Variants in BCAS3 observed in about 807,000 individuals in gnomAD.
BCAS3 encodes the protein BCAS3 microtubule associated cell migration factor.
Under a neutral mutation model 116.1 loss-of-function variants are expected in BCAS3, and 53 were observed. That is an observed-to-expected ratio of 0.46 (90% CI 0.37 to 0.57). The LOEUF is 0.57. Among genes scored for constraint, BCAS3 ranks in the 20% least tolerant of loss-of-function variants. BCAS3 has a pLI of 0.00. For synonymous variants in BCAS3, 391 were observed against 408.2 expected (o/e 0.96, Z 0.51); for missense variants, 917 against 1,165.4 (o/e 0.79, Z 3.10).
intron 22 of BCAS3, among the ~76,000 whole-genome samples, chr17:61,289,695 A>G (rs559306812): frequency 2.0e-5 from 3 of 152,298 alleles, no homozygotes; most frequent in East Asian, 3.9e-4. Flanking sequence ...TTACTCTAAC[A>G]GCACTCCTTT....
chr17:60,868,329 A>AT (rs1336543436), intron 7 of BCAS3, among the ~76,000 whole-genome samples: 3 of 151,986 alleles, frequency 2.0e-5, no homozygotes, highest in African/African-American at 7.2e-5. Flanking sequence ...CAGCCTAATC[A>AT]TATCATTTTT....
chr17:60,944,075 C>T (rs530311019), intron 13 of BCAS3, among the ~76,000 whole-genome samples: 2 of 150,754 alleles, frequency 1.3e-5, no homozygotes, highest in South Asian at 2.1e-4. Context: ...ATAAGAAACT[C>T]GAAAAAAGGA....
chr17:61,335,791 G>A (rs965911929), intron 22 of BCAS3, among the ~76,000 whole-genome samples: 3 of 152,252 alleles, frequency 2.0e-5, no homozygotes, highest in Non-Finnish European at 4.4e-5. Context: ...CTGGAAGCAA[G>A]GGAGAAAAAG....
chr17:61,381,914 T>G lies in BCAS3; in HGVS notation c.2594-10063T>G, dbSNP rs1168496125. Among the ~76,000 whole-genome samples the G allele has an allele frequency of 1.3e-5, 2 of 152,144 alleles. No homozygotes were observed. The highest frequency in any genetic ancestry group is 4.8e-5 in the African/African-American group (2 of 41,440). On this transcript the variant is annotated intron_variant, in intron 23 of 23. Transcript: ENST00000407086. The surrounding 1 kb of genome is among the most constrained non-coding windows in gnomAD (Gnocchi z 6.0). ...TAGAAAATTCTCTCCTATCCCCAACTGGTCATCCTCTCCCCAACCTTCATT... is the reference window on the plus strand; with the variant it reads ...TAGAAAATTCTCTCCTATCCCCAACGGGTCATCCTCTCCCCAACCTTCATT...
At chr17:60,718,483 G>A (rs2038890741) in intron 5 of BCAS3, among the ~76,000 whole-genome samples, 1 of 152,138 alleles carries the variant, frequency 6.6e-6, no homozygotes, top group East Asian at 1.9e-4. Context: ...TGCCCAGGCT[G>A]GAGGGCAGTG....
At chr17:61,091,064 T>C (rs2073522882) in intron 22 of BCAS3, among the ~76,000 whole-genome samples, 1 of 152,196 alleles carries the variant, frequency 6.6e-6, no homozygotes, top group Admixed American at 6.5e-5. Context: ...CATTTGAAGA[T>C]GAAGAAACAG....
At chr17:60,736,082 G>C (rs2040927673) in intron 5 of BCAS3, among the ~76,000 whole-genome samples, 1 of 149,094 alleles carries the variant, frequency 6.7e-6, no homozygotes, top group African/African-American at 2.6e-5. Flanking sequence ...TCGTCACCCA[G>C]GCTGGAGTGC....
intron 5 of BCAS3, among the ~76,000 whole-genome samples, chr17:60,728,242 CT>C (rs2040112302): frequency 6.6e-6 from 1 of 152,182 alleles, no homozygotes; most frequent in Non-Finnish European, 1.5e-5. Context: ...CCCTCCATCC[CT>C]GATAAGCCCT....
intron 14 of BCAS3, among the ~76,000 whole-genome samples, chr17:60,989,598 C>A (rs560783629): frequency 6.6e-6 from 1 of 152,162 alleles, no homozygotes; most frequent in African/African-American, 2.4e-5. Flanking sequence ...TCCTACAAGG[C>A]CATATGGCCT....
At position 60,814,303 on chromosome 17, in the gene BCAS3, G is replaced by GCA. The variant is rs1555731386; in HGVS notation, c.476+6227_476+6228insCA. Among the ~76,000 whole-genome samples, 9 of 135,834 alleles carry GCA rather than the reference G, an allele frequency of 6.6e-5. No homozygotes were observed. In the East Asian group the frequency reaches 9.7e-4, roughly 15 times the overall value. The allele number at this position is 135,834 out of a possible 152,430, so 89.1% of individuals were successfully genotyped here. On this transcript the variant is annotated intron_variant, in intron 7 of 23. Transcript: ENST00000407086. ...TGTGTGTGTGTGTGTGTGTGTGTGTGTGTGCGCGCGTGCCCATTGCAAATG... is the reference window on the plus strand; with the variant it reads ...TGTGTGTGTGTGTGTGTGTGTGTGTGCATGTGCGCGCGTGCCCATTGCAAATG...
chr17:61,031,942 TTG>T (rs2066672251), intron 16 of BCAS3, among the ~76,000 whole-genome samples: 2 of 152,164 alleles, frequency 1.3e-5, no homozygotes, highest in African/African-American at 4.8e-5. Flanking sequence ...TGCTTTTTAC[TTG>T]TGTGTTCCAA....
intron 7 of BCAS3, among the ~76,000 whole-genome samples, chr17:60,812,927 G>A (rs1450818949): frequency 6.6e-6 from 1 of 151,976 alleles, no homozygotes; most frequent in Non-Finnish European, 1.5e-5. Flanking sequence ...CTTTTTTTAA[G>A]AGATAAGTTC....
chr17:61,343,907 C>T lies in BCAS3; in HGVS notation c.2426-24420C>T, dbSNP rs2057344192. On this transcript the variant is annotated intron_variant, in intron 22 of 23. Transcript: ENST00000407086. This position sits in a 1 kb window ranked among gnomAD's most constrained non-coding sequence, Gnocchi z 5.5. ...TGGACCACCTCCTCCCCTTTCGCTT[C>T]CTTCCACACAGTCCAGTGCTTTGTT... Among the ~76,000 whole-genome samples, 1 of 152,214 alleles carries T rather than the reference C, an allele frequency of 6.6e-6. No individual in the cohort carries two copies. Among genetic ancestry groups the T allele is most frequent in the African/African-American group, 2.4e-5 (1 of 41,454 alleles).
intron 22 of BCAS3, among the ~76,000 whole-genome samples, chr17:61,275,696 T>C (rs1193041312): frequency 2.0e-5 from 3 of 152,194 alleles, no homozygotes; most frequent in African/African-American, 7.2e-5. Flanking sequence ...AGAAGTCAGA[T>C]AATTTGAAGG....
At chr17:61,167,388 G>T (rs2144096767) in intron 22 of BCAS3, among the ~76,000 whole-genome samples, 1 of 152,274 alleles carries the variant, frequency 6.6e-6, no homozygotes, top group South Asian at 2.1e-4. Context: ...TATACAGCAA[G>T]ATATTGCCAG....
chr17:60,874,333 G>C lies in BCAS3; in HGVS notation c.585-329G>C, dbSNP rs372148219. Among the ~76,000 whole-genome samples, 9 of 152,264 alleles carry C rather than the reference G, an allele frequency of 5.9e-5. No homozygotes were observed. The East Asian group carries it at 1.7e-3, about 29-fold the overall frequency. ...GTGATCCTTCTGCCTTGGCCTCCAG[G>C]AATGTTGGGATTGTAGGCATGAGCC... On this transcript the variant is annotated intron_variant, in intron 8 of 23. Transcript: ENST00000407086.
intron 6 of BCAS3, among the ~76,000 whole-genome samples, chr17:60,767,067 T>C (rs2044175703): frequency 6.6e-6 from 1 of 152,178 alleles, no homozygotes; most frequent in Non-Finnish European, 1.5e-5. Context: ...GCGCAGTGTT[T>C]AGGTGGCAGT....
At chr17:61,176,052 T>G (rs2079111281) in intron 22 of BCAS3, among the ~76,000 whole-genome samples, 2 of 149,586 alleles carry the variant, frequency 1.3e-5, no homozygotes, top group Non-Finnish European at 3.0e-5. Context: ...GGTGGGAGGA[T>G]TGCTTAAGCC....
At position 60,959,867 on chromosome 17, in the gene BCAS3, C is replaced by T. The variant is rs573446458; in HGVS notation, c.1221+12515C>T. Among the ~76,000 whole-genome samples, 5 of 152,270 alleles carry T rather than the reference C, an allele frequency of 3.3e-5. No homozygotes were observed. The South Asian group carries it at 6.2e-4, about 19-fold the overall frequency. ...GAATTTGTTCTTTGCCCTTTCTAGC[C>T]TTTGATGGCCTTTAGCATTCTTTGA... On this transcript the variant is annotated intron_variant, in intron 14 of 23. Coordinates refer to ENST00000407086, the MANE Select transcript of BCAS3 (RefSeq NM_017679.5).
Sources: allele counts gnomAD v4.1 joint callset (sites outside exome capture counted in the v4.1 genomes callset), GRCh38; gene constraint gnomAD v4.1.1; non-coding constraint Gnocchi (gnomAD v3.1); transcripts MANE v1.5; gene names NCBI Gene and HGNC (gene_info 2026-07-23, HGNC 2026-07-21).